PIWIL1: variants seen among roughly 807,000 people sequenced by gnomAD.
PIWIL1 encodes the protein piwi-like protein 1.
A neutral mutation model predicts 114.4 loss-of-function variants in PIWIL1; 73 were observed. The ratio of observed to expected loss-of-function variants is 0.64; its 90% CI spans 0.53 to 0.78. The LOEUF (loss-of-function observed/expected upper bound fraction) is 0.78, where lower values mean the gene tolerates loss of function less well. PIWIL1 is among the 30% of genes least tolerant of loss of function. The pLI is 0.00. For synonymous variants in PIWIL1, 375 were observed against 369.0 expected, an observed-to-expected ratio of 1.02 and a Z score of -0.19; for missense variants, 723 against 1,063.1, an observed-to-expected ratio of 0.68 and a Z score of 4.45.
chr12:130,411,613 AC>A, the PIWIL1 span, among the ~76,000 whole-genome samples: 25 of 152,188 alleles, frequency 1.6e-4, no homozygotes, highest in African/African-American at 6.0e-4. Flanking sequence ...ATTCTTGTAT[AC>A]TTTCTGGGTC....
At chr12:130,401,735 C>T in the PIWIL1 span, among the ~76,000 whole-genome samples, 1 of 152,032 alleles carries the variant, frequency 6.6e-6, no homozygotes, top group African/African-American at 2.4e-5. Flanking sequence ...CATCTAAATA[C>T]GAAGACACTC....
chr12:130,346,808 G>T, intron 5 of PIWIL1, 133 bp from the exon 6 acceptor site: 1 of 1,164,886 alleles, frequency 8.6e-7, no homozygotes, highest in Non-Finnish European at 1.2e-6. Context: ...CTTTTTCTCA[G>T]AGCCATTTAA....
chr12:130,417,218 A>G, the PIWIL1 span, among the ~76,000 whole-genome samples: 1 of 152,230 alleles, frequency 6.6e-6, no homozygotes, highest in Non-Finnish European at 1.5e-5. Context: ...ACCATTTGAC[A>G]CACCAGTGCC....
the PIWIL1 span, among the ~76,000 whole-genome samples, chr12:130,387,999 A>G: frequency 2.0e-5 from 3 of 152,232 alleles, no homozygotes; most frequent in African/African-American, 7.2e-5. Context: ...TTAAATCTCT[A>G]GAGTAGAGCG....
At position 130,337,916 on chromosome 12, in the gene PIWIL1, G is replaced by A. The variant is rs1253522892; in HGVS notation, c.-243G>A. On this transcript the variant is annotated 5_prime_UTR_variant, in exon 1 of 21. Transcript: ENST00000245255. ...CTGGGCGTATGGCGTACAGACACGA[G>A]GCCGGCGCCCGGGAGGCGGTGTTCA... 2.5e-5 allele frequency: 4 copies of A among 161,038 alleles called. No homozygotes were observed. Among genetic ancestry groups the A allele is most frequent in the South Asian group, 1.7e-4 (1 of 5,938 alleles). The allele number at this position is 161,038 out of a possible 1,614,324, so 10.0% of individuals were successfully genotyped here. A position where few individuals can be genotyped will look rare whatever the true frequency, so the allele number is the denominator to read the frequency against.
intron 14 of PIWIL1, among the ~76,000 whole-genome samples, chr12:130,359,589 G>C (rs1397164513): frequency 6.6e-6 from 1 of 152,156 alleles, no homozygotes; most frequent in Non-Finnish European, 1.5e-5. Context: ...GGCCCTGCCT[G>C]ATAAAATCTC....
Position 130,367,050 on chromosome 12 carries a change from A to C in PIWIL1, c.2196-83A>C, listed in dbSNP as rs1045449649. On this transcript the variant is annotated intron_variant, in intron 18 of 20. Transcript: ENST00000245255. Reference sequence around the variant, plus strand: ...CCAGGAGGGATGTGTTCCTTTTTAAATGGAGCATGTGAACACCTGAATGAA... The same window carrying C: ...CCAGGAGGGATGTGTTCCTTTTTAACTGGAGCATGTGAACACCTGAATGAA... 4.5e-5 allele frequency: 68 copies of C among 1,500,616 alleles called. No homozygotes were observed. In the African/African-American group the frequency reaches 8.9e-4, roughly 20 times the overall value. The allele number at this position is 1,500,616 out of a possible 1,614,324, so 93.0% of individuals were successfully genotyped here. A position where few individuals can be genotyped will look rare whatever the true frequency, so the allele number is the denominator to read the frequency against.
At chr12:130,383,173 T>C in the PIWIL1 span, among the ~76,000 whole-genome samples, 2 of 152,180 alleles carry the variant, frequency 1.3e-5, no homozygotes, top group African/African-American at 2.4e-5. Context: ...GATGCATAAA[T>C]AGATTTGCAT....
chr12:130,367,304 G>T (rs760290334), intron 19 of PIWIL1, 46 bp downstream of exon 19: 2 of 1,567,962 alleles, frequency 1.3e-6, no homozygotes, highest in South Asian at 1.2e-5. Flanking sequence ...CCTTGGTGGT[G>T]GTTTCTTTAG....
the PIWIL1 span, chr12:130,424,910 A>G: frequency 9.1e-7 from 1 of 1,099,236 alleles, no homozygotes; most frequent in Non-Finnish European, 1.2e-6. This position sits in a 1 kb window ranked among gnomAD's most constrained non-coding sequence, Gnocchi z 9.8. Flanking sequence ...TGTGGTCAGC[A>G]TGAAGTGGGG....
At chr12:130,399,699 T>G in the PIWIL1 span, 1 of 1,614,204 alleles carries the variant, frequency 6.2e-7, no homozygotes. Context: ...TTTGAGCGCA[T>G]TGGCGTATCT....
intron 9 of PIWIL1, among the ~76,000 whole-genome samples, chr12:130,352,319 G>T (rs1249790892): frequency 6.6e-6 from 1 of 152,082 alleles, no homozygotes. Context: ...AAAATAAAAG[G>T]TTTAACAGTA....
Position 130,363,005 on chromosome 12 carries a change from T to C in PIWIL1, c.2056T>C (p.Trp686Arg), listed in dbSNP as rs780190742. ...KVCLQAALRA[W>R]NSCNEYMPSR... is the part of the protein sequence containing the mutation. ...GCCTGTTTCAGCGGCTCTGAGGGCT[T>C]GGAATAGCTGCAATGAGTACATGCC... The change falls in exon 18 of 21, where the codon TGG (tryptophan) becomes CGG (arginine). Residue 686 changes from tryptophan to arginine, a missense_variant. By Grantham distance (101) the Trp-to-Arg change is moderately radical. This residue lies in a region of PIWIL1 where 31 missense variants were observed against 30.2 expected (regional missense o/e 1.03). Transcript: ENST00000245255. 6.2e-7 allele frequency: 1 copy of C among 1,614,028 alleles called. No homozygotes were observed. The highest frequency in any genetic ancestry group is 8.5e-7 in the Non-Finnish European group (1 of 1,179,936).
In PIWIL1 at chr12:130,357,018, G is replaced by A. The variant is rs778735608; in HGVS notation, c.1505G>A (p.Arg502Gln). 6.2e-6 allele frequency: 10 copies of A among 1,613,558 alleles called. No homozygotes were observed. The highest frequency in any genetic ancestry group is 1.1e-5 in the South Asian group (1 of 91,024). The change falls in exon 13 of 21, where the codon CGA becomes CAA. Residue 502 changes from arginine (R) to glutamine (Q), a missense_variant. Physicochemically the swap from Arg to Gln is conservative, Grantham distance 43 (BLOSUM62 1). Coordinates refer to ENST00000245255, the MANE Select transcript of PIWIL1 (RefSeq NM_004764.5). The stretch of plus-strand genomic sequence containing the variant: ...GATAACTGGCTGTTGATCTATACGC[G>A]AAGAAATTATGAAGCAGCCAATTCA... Reference protein sequence around the residue: ...PLDNWLLIYTRRNYEAANSLI... With the variant: ...PLDNWLLIYTQRNYEAANSLI...
At chr12:130,340,646 T>TGGGGGGGGGGGGGGGGGGG (rs143005039) in intron 1 of PIWIL1, among the ~76,000 whole-genome samples, 1 of 72,806 alleles carries the variant, frequency 1.4e-5, no homozygotes, top group Non-Finnish European at 2.6e-5. Context: ...GGAGGGGGGG[T>TGGGGGGGGGGGGGGGGGGG]GGGGGGAGGG....
intron 9 of PIWIL1, chr12:130,350,879 C>T (rs1178744985): frequency 6.6e-6 from 1 of 152,178 alleles, no homozygotes; most frequent in Non-Finnish European, 1.5e-5. Flanking sequence ...GGTCTGTGTG[C>T]TGCTGTCCAG....
the PIWIL1 span, among the ~76,000 whole-genome samples, chr12:130,400,865 C>T: frequency 6.6e-6 from 1 of 152,180 alleles, no homozygotes; most frequent in Admixed American, 6.5e-5. Context: ...CAGGGAAATG[C>T]AGTTCAAAAC....
the PIWIL1 span, among the ~76,000 whole-genome samples, chr12:130,404,051 C>T: frequency 1.3e-5 from 2 of 152,060 alleles, no homozygotes; most frequent in Admixed American, 6.6e-5. Context: ...TATTCAGAAT[C>T]GTTCTAAGTG....
At chr12:130,343,782 C>T (rs1006547179) in intron 3 of PIWIL1, among the ~76,000 whole-genome samples, 6 of 151,994 alleles carry the variant, frequency 3.9e-5, no homozygotes, top group African/African-American at 4.8e-5. Flanking sequence ...CCCACCACTG[C>T]GCCCAGCTAA....
Sources: allele counts gnomAD v4.1 joint callset (sites outside exome capture counted in the v4.1 genomes callset), GRCh38; gene constraint gnomAD v4.1.1; regional missense constraint gnomAD v4.1.1; non-coding constraint Gnocchi (gnomAD v3.1); transcripts MANE v1.5; gene names NCBI Gene and HGNC (gene_info 2026-07-23, HGNC 2026-07-21).